DNAH11: variants seen among roughly 807,000 people sequenced by gnomAD.
DNAH11 encodes dynein axonemal heavy chain 11, also known as axonemal beta dynein heavy chain 11.
A neutral mutation model predicts 526.0 loss-of-function variants in DNAH11; 442 were observed. That is an observed-to-expected ratio of 0.84 (90% confidence interval 0.78 to 0.91). The LOEUF (loss-of-function observed/expected upper bound fraction) is 0.91. Among genes scored for constraint, DNAH11 ranks in the 40% least tolerant of loss-of-function variants. DNAH11 has a pLI of 0.00. For missense variants in DNAH11, 6,989 were observed against 5,448.7 expected (o/e 1.28, Z -8.90); for synonymous variants, 2,461 against 1,935.9 (o/e 1.27, Z -7.12).
intron 27 of DNAH11, among the ~76,000 whole-genome samples, chr7:21,637,961 A>C (rs1786947127): frequency 6.6e-6 from 1 of 152,182 alleles, no homozygotes; most frequent in Non-Finnish European, 1.5e-5. Flanking sequence ...TATTATCAAG[A>C]GAATTGACAT....
intron 73 of DNAH11, among the ~76,000 whole-genome samples, chr7:21,870,067 A>C (rs373903730): frequency 6.6e-6 from 1 of 152,336 alleles, no homozygotes; most frequent in South Asian, 2.1e-4. Flanking sequence ...GAATCATTAC[A>C]ACAAAGCTCC....
chr7:21,546,441 A>G (rs1313955687), intron 2 of DNAH11, among the ~76,000 whole-genome samples: 1 of 152,244 alleles, frequency 6.6e-6, no homozygotes, highest in Non-Finnish European at 1.5e-5. Context: ...TTGGTTCAAT[A>G]TGAGAATCTA....
intron 30 of DNAH11, among the ~76,000 whole-genome samples, chr7:21,664,487 C>G (rs1207561876): frequency 6.6e-6 from 1 of 151,840 alleles, no homozygotes; most frequent in African/African-American, 2.4e-5. Context: ...TTGAGACAGT[C>G]TTGCTCTTTT....
At position 21,606,721 on chromosome 7, in the gene DNAH11, A is replaced by C. The variant is rs1246328778; in HGVS notation, c.3840A>C (p.Thr1280=). Residue 1280 remains threonine, a synonymous_variant, in exon 20 of 82, where the codon ACA becomes ACC. Coordinates refer to ENST00000409508, the MANE Select transcript of DNAH11 (RefSeq NM_001277115.2). The part of the protein sequence containing the change: ...PLGFNAENPY[T]ALDKANEELE... Reference sequence around the variant, plus strand: ...GATTTAATGCAGAAAATCCATACACAGCGCTTGATAAGGTAATACAGATCT... The same window carrying C: ...GATTTAATGCAGAAAATCCATACACCGCGCTTGATAAGGTAATACAGATCT... 1.2e-6 allele frequency: 2 copies of C among 1,609,612 alleles called. No homozygotes were observed. Among genetic ancestry groups the C allele is most frequent in the East Asian group, 2.2e-5 (1 of 44,740 alleles).
intron 28 of DNAH11, among the ~76,000 whole-genome samples, chr7:21,654,680 C>A (rs1781934382): frequency 6.6e-6 from 1 of 152,128 alleles, no homozygotes; most frequent in Non-Finnish European, 1.5e-5. Context: ...CACTTAGCGG[C>A]TTTTATTTGC....
At position 21,785,458 on chromosome 7, in the gene DNAH11, T is replaced by A. The variant is rs181322429; in HGVS notation, c.9597+918T>A. Among the ~76,000 whole-genome samples, 203 of 152,326 alleles carry A rather than the reference T, an allele frequency of 1.3e-3. 1 individual carries two copies. Among genetic ancestry groups the A allele is most frequent in the Non-Finnish European group, 2.1e-3 (143 of 68,024 alleles). The stretch of plus-strand genomic sequence containing the variant: ...AAATGCTAATTAGCAATGTGACACA[T>A]TAACCATGATATATTAAGTGAATAA... On this transcript the variant is annotated intron_variant, in intron 58 of 81. Transcript: ENST00000409508.
At chr7:21,890,554 A>T (rs970583438) in intron 76 of DNAH11, among the ~76,000 whole-genome samples, 1 of 152,218 alleles carries the variant, frequency 6.6e-6, no homozygotes, top group Non-Finnish European at 1.5e-5. Flanking sequence ...GCACAAACAG[A>T]GAAGACCAAC....
intron 65 of DNAH11, among the ~76,000 whole-genome samples, chr7:21,837,515 A>T: frequency 6.6e-6 from 1 of 152,144 alleles, no homozygotes; most frequent in East Asian, 1.9e-4. Context: ...CGTGTTATCT[A>T]AAAAAGCTGA....
chr7:21,810,910 A>G (rs942438076), intron 63 of DNAH11, among the ~76,000 whole-genome samples: 1 of 152,180 alleles, frequency 6.6e-6, no homozygotes, highest in Admixed American at 6.5e-5. Flanking sequence ...TTGCCACATG[A>G]TCCAGAAATT....
intron 65 of DNAH11, among the ~76,000 whole-genome samples, chr7:21,829,984 T>A (rs554781211): frequency 5.3e-5 from 8 of 152,224 alleles, no homozygotes; most frequent in Non-Finnish European, 8.8e-5. Context: ...GTAACGACTT[T>A]CCGTGATTTG....
At chr7:21,699,202 A>G (rs114513164) in intron 36 of DNAH11, among the ~76,000 whole-genome samples, 44 of 152,244 alleles carry the variant, frequency 2.9e-4, no homozygotes, top group African/African-American at 1.1e-3. Context: ...TTTATTGGTA[A>G]TTCTTTATTT....
intron 8 of DNAH11, among the ~76,000 whole-genome samples, chr7:21,573,243 A>G (rs911727682): frequency 1.3e-5 from 2 of 152,122 alleles, no homozygotes; most frequent in Middle Eastern, 3.2e-3. Context: ...TAGAAAATTC[A>G]TTTACTCTTG....
At chr7:21,864,322 C>T (rs1051344093) in intron 69 of DNAH11, among the ~76,000 whole-genome samples, 3 of 152,146 alleles carry the variant, frequency 2.0e-5, no homozygotes, top group Non-Finnish European at 2.9e-5. Flanking sequence ...AATCAGCCTT[C>T]ATAATTATTT....
At chr7:21,553,244 C>T (rs1202904147) in intron 2 of DNAH11, among the ~76,000 whole-genome samples, 1 of 151,878 alleles carries the variant, frequency 6.6e-6, no homozygotes, top group Non-Finnish European at 1.5e-5. Context: ...TTTGTCCTTC[C>T]TTTATTCCTA....
intron 66 of DNAH11, among the ~76,000 whole-genome samples, chr7:21,843,561 A>T (rs957434065): frequency 3.3e-5 from 5 of 151,112 alleles, no homozygotes; most frequent in Non-Finnish European, 4.4e-5. Context: ...GCTCACTGCA[A>T]CCTCCGCCTC....
At chr7:21,816,193 G>A (rs1312827754) in intron 63 of DNAH11, among the ~76,000 whole-genome samples, 1 of 152,098 alleles carries the variant, frequency 6.6e-6, no homozygotes, top group Non-Finnish European at 1.5e-5. Context: ...TTACCTAAGT[G>A]TGGGGCAAAG....
At chr7:21,581,159 G>C (rs1210852986) in intron 8 of DNAH11, among the ~76,000 whole-genome samples, 1 of 152,158 alleles carries the variant, frequency 6.6e-6, no homozygotes, top group Non-Finnish European at 1.5e-5. Flanking sequence ...GAAATCTGTG[G>C]TGTGTACTTC....
chr7:21,790,375 A>G (rs1788428811), intron 61 of DNAH11, among the ~76,000 whole-genome samples: 1 of 151,968 alleles, frequency 6.6e-6, no homozygotes, highest in African/African-American at 2.4e-5. Context: ...GCGTGAACCC[A>G]GGAAGTGGAG....
chr7:21,662,226 C>T (rs904618284), intron 30 of DNAH11, among the ~76,000 whole-genome samples: 1 of 152,126 alleles, frequency 6.6e-6, no homozygotes, highest in African/African-American at 2.4e-5. Flanking sequence ...CAGTGTGGTA[C>T]ACAACTTATT....
Sources: allele counts gnomAD v4.1 joint callset (sites outside exome capture counted in the v4.1 genomes callset), GRCh38; gene constraint gnomAD v4.1.1; transcripts MANE v1.5; gene names NCBI Gene and HGNC (gene_info 2026-07-23, HGNC 2026-07-21).